Variants in CYB5R4 observed in about 807,000 individuals in gnomAD.
The protein encoded by CYB5R4 is cytochrome b5 reductase 4, also known as N-terminal cytochrome b5 and cytochrome b5 oxidoreductase domain-containing protein.
A neutral mutation model predicts 70.2 loss-of-function variants in CYB5R4; 55 were observed. The ratio of observed to expected loss-of-function variants is 0.78; its 90% CI spans 0.63 to 0.98. CYB5R4 has a LOEUF of 0.98. CYB5R4 is among the 50% of genes least tolerant of loss of function. The pLI is 0.00. For missense variants in CYB5R4, 562 were observed against 612.6 expected, an observed-to-expected ratio of 0.92 and a Z score of 0.87; for synonymous variants, 197 against 199.5, an observed-to-expected ratio of 0.99 and a Z score of 0.11.
At chr6:83,952,503 T>C (rs2129145314) in intron 14 of CYB5R4, among the ~76,000 whole-genome samples, 1 of 152,234 alleles carries the variant, frequency 6.6e-6, no homozygotes, top group East Asian at 1.9e-4. Flanking sequence ...GGAAAATAAA[T>C]CTGGGTAGTA....
chr6:83,872,207 C>G (rs58445263), intron 2 of CYB5R4, among the ~76,000 whole-genome samples: 4,232 of 152,162 alleles, frequency 0.028, 194 homozygotes, highest in African/African-American at 0.096. Flanking sequence ...GATGTATTAC[C>G]CAGTCACATA....
chr6:83,901,892 A>G (rs1412676085), intron 3 of CYB5R4, among the ~76,000 whole-genome samples: 1 of 148,128 alleles, frequency 6.8e-6, no homozygotes, highest in Non-Finnish European at 1.5e-5. Flanking sequence ...TTTTTTTTTT[A>G]TGGTTGGGTT....
Position 83,963,988 on chromosome 6 carries a change from A to T in CYB5R4, c.*4110A>T, listed in dbSNP as rs1249635832. ...TCATTTTCTCTTGCGGCCGCCATGT[A>T]AGAAGTGCCTTTCACCTCCTGCCAT... On this transcript the variant is annotated 3_prime_UTR_variant, in exon 16 of 16. Transcript: ENST00000369681. 1 of 224,288 alleles carries T rather than the reference A, an allele frequency of 4.5e-6. No homozygotes were observed. The highest frequency in any genetic ancestry group is 2.3e-5 in the African/African-American group (1 of 42,640). 13.9% of individuals were successfully genotyped at this position (224,288 alleles called of 1,614,324 possible).
chr6:83,923,159 T>C (rs2099466680), intron 9 of CYB5R4, among the ~76,000 whole-genome samples: 1 of 152,166 alleles, frequency 6.6e-6, no homozygotes, highest in South Asian at 2.1e-4. Flanking sequence ...TTCATCTATA[T>C]ATTTAAATGT....
At chr6:83,932,729 T>C (rs1035109849) in intron 10 of CYB5R4, among the ~76,000 whole-genome samples, 1 of 151,980 alleles carries the variant, frequency 6.6e-6, no homozygotes, top group Non-Finnish European at 1.5e-5. Context: ...ATCCAAGGAG[T>C]GGCCAGGGCT....
chr6:83,895,349 A>G (rs773429326), intron 3 of CYB5R4, among the ~76,000 whole-genome samples: 8 of 152,034 alleles, frequency 5.3e-5, no homozygotes, highest in Admixed American at 2.0e-4. Flanking sequence ...TATTTTTAGT[A>G]GAGATGGGGT....
chr6:83,866,812 T>C (rs1263633952), intron 2 of CYB5R4, among the ~76,000 whole-genome samples: 1 of 151,828 alleles, frequency 6.6e-6, no homozygotes, highest in Non-Finnish European at 1.5e-5. Context: ...AGAGATAGGG[T>C]CTTGCTCTGT....
intron 10 of CYB5R4, among the ~76,000 whole-genome samples, chr6:83,927,366 T>G (rs1341942560): frequency 1.3e-5 from 2 of 152,138 alleles, no homozygotes; most frequent in Non-Finnish European, 2.9e-5. Context: ...TCCTGGAGTT[T>G]AGGGCAGACC....
At chr6:83,895,205 C>T (rs189914856) in intron 3 of CYB5R4, among the ~76,000 whole-genome samples, 1 of 152,010 alleles carries the variant, frequency 6.6e-6, no homozygotes, top group Non-Finnish European at 1.5e-5. Context: ...TCGCTCTGTC[C>T]CCCAGGCTGG....
intron 5 of CYB5R4, among the ~76,000 whole-genome samples, chr6:83,917,503 T>C (rs1352349704): frequency 1.3e-5 from 2 of 152,114 alleles, no homozygotes; most frequent in Non-Finnish European, 2.9e-5. Flanking sequence ...ATGAATAAAT[T>C]GTGAACTATA....
chr6:83,936,246 T>C lies in CYB5R4; in HGVS notation c.978T>C (p.Tyr326=). 3.1e-6 allele frequency: 5 copies of C among 1,589,286 alleles called. No homozygotes were observed. In the South Asian group the frequency reaches 4.6e-5, roughly 14 times the overall value. The stretch of plus-strand genomic sequence containing the variant: ...TAGGTACAGAAATAGTAAAGCCATA[T>C]ACACCTGTATCTGGTTCCTTACTCT... The part of the protein sequence containing the change: ...PITGTEIVKP[Y]TPVSGSLLSE... The change falls in exon 12 of 16, where the codon TAT becomes TAC. Residue 326 remains tyrosine, a synonymous_variant. Transcript: ENST00000369681.
intron 13 of CYB5R4, 135 bp downstream of exon 13, chr6:83,940,341 T>C: frequency 9.0e-7 from 1 of 1,105,228 alleles, no homozygotes; most frequent in Non-Finnish European, 1.3e-6. Flanking sequence ...CTTTGCCTCC[T>C]CTAATCCTAG....
intron 7 of CYB5R4, among the ~76,000 whole-genome samples, chr6:83,920,025 C>A (rs915547743): frequency 6.6e-6 from 1 of 152,060 alleles, no homozygotes; most frequent in African/African-American, 2.4e-5. Flanking sequence ...GTATTTATAA[C>A]CTGCTTCATG....
intron 10 of CYB5R4, among the ~76,000 whole-genome samples, chr6:83,929,125 A>G (rs1428466123): frequency 6.6e-6 from 1 of 152,208 alleles, no homozygotes; most frequent in African/African-American, 2.4e-5. Flanking sequence ...AGATAATTTC[A>G]TCTTTCTCTT....
intron 3 of CYB5R4, among the ~76,000 whole-genome samples, chr6:83,898,334 G>C (rs1374664121): frequency 6.6e-6 from 1 of 151,978 alleles, no homozygotes; most frequent in Admixed American, 6.6e-5. Flanking sequence ...TCTCTGTTTT[G>C]GTACCAGTAC....
chr6:83,884,806 G>A (rs2099459994), intron 2 of CYB5R4, among the ~76,000 whole-genome samples: 1 of 152,062 alleles, frequency 6.6e-6, no homozygotes, highest in African/African-American at 2.4e-5. Flanking sequence ...CAGTATACTG[G>A]CATAATATTT....
chr6:83,950,216 T>C (rs1269840371), intron 14 of CYB5R4, among the ~76,000 whole-genome samples: 3 of 152,222 alleles, frequency 2.0e-5, no homozygotes, highest in Non-Finnish European at 4.4e-5. Context: ...ACCCAAATTT[T>C]ATCCAAATGT....
In CYB5R4 at chr6:83,909,185, ATGGTTTTGTAATT is replaced by A. The variant is rs2099464289; in HGVS notation, c.412+97_412+109del. 22 of 975,930 alleles carry A rather than the reference ATGGTTTTGTAATT, an allele frequency of 2.3e-5. No individual in the cohort carries two copies. The Admixed American group carries it at 2.5e-4, about 11-fold the overall frequency. The allele number at this position is 975,930 out of a possible 1,614,324, so 60.5% of individuals were successfully genotyped here. A position where few individuals can be genotyped will look rare whatever the true frequency, so the allele number is the denominator to read the frequency against. ...AACAACTAGGTCTATACAAATCACT[ATGGTTTTGTAATT>A]TTCATTGGCCTCCTGGTCTAGCCAC... On this transcript the variant is annotated intron_variant, in intron 4 of 15. Coordinates refer to ENST00000369681, the MANE Select transcript of CYB5R4 (RefSeq NM_016230.4).
intron 14 of CYB5R4, among the ~76,000 whole-genome samples, chr6:83,951,692 A>G (rs2099471550): frequency 6.6e-6 from 1 of 152,162 alleles, no homozygotes; most frequent in African/African-American, 2.4e-5. Context: ...ATTGATGGAC[A>G]TTTAGGTTGG....
Sources: allele counts gnomAD v4.1 joint callset (sites outside exome capture counted in the v4.1 genomes callset), GRCh38; gene constraint gnomAD v4.1.1; transcripts MANE v1.5; gene names NCBI Gene and HGNC (gene_info 2026-07-23, HGNC 2026-07-21).